STK3: variants seen among roughly 807,000 people sequenced by gnomAD.
STK3 encodes the protein serine/threonine kinase 3.
STK3 carries 41 observed loss-of-function variants against 58.0 expected under a neutral mutation model. The ratio of observed to expected loss-of-function variants is 0.71; its 90% CI spans 0.55 to 0.92. The LOEUF (loss-of-function observed/expected upper bound fraction) is 0.92, where lower values mean the gene tolerates loss of function less well. Among genes scored for constraint, STK3 ranks in the 40% least tolerant of loss-of-function variants. The probability of loss-of-function intolerance (pLI) is 0.00; values close to 1 mark genes in which losing one functional copy is unlikely to be tolerated. For missense variants in STK3, 479 were observed against 602.7 expected, an observed-to-expected ratio of 0.79 and a Z score of 2.15; for synonymous variants, 170 against 191.0, an observed-to-expected ratio of 0.89 and a Z score of 0.91.
At chr8:98,657,147 T>C (rs1340196297) in intron 6 of STK3, among the ~76,000 whole-genome samples, 1 of 151,992 alleles carries the variant, frequency 6.6e-6, no homozygotes, top group Non-Finnish European at 1.5e-5. Flanking sequence ...TCTTCTATAA[T>C]ATATACATAA....
rs545256585 is a variant in STK3, at chr8:98,818,623, T to C, written c.26+6892A>G. 1.3e-4 allele frequency among the ~76,000 whole-genome samples: 20 copies of C among 151,906 alleles called. No individual in the cohort carries two copies. In the South Asian group the frequency reaches 2.3e-3, roughly 17 times the overall value. The stretch of plus-strand genomic sequence containing the variant: ...AAATTTACTCAATTCACCTCTATAC[T>C]AAGATGTCTGGTATTATATAAATCT... On this transcript the variant is annotated intron_variant, in intron 1 of 10. Transcript: ENST00000419617.
the STK3 span, among the ~76,000 whole-genome samples, chr8:98,359,610 C>A: frequency 6.6e-6 from 1 of 152,048 alleles, no homozygotes; most frequent in African/African-American, 2.4e-5. Context: ...CTGTGATCTC[C>A]CTCACTGCAA....
intron 3 of STK3, among the ~76,000 whole-genome samples, chr8:98,832,575 C>G (rs369436234): frequency 5.3e-5 from 8 of 152,050 alleles, no homozygotes; most frequent in Non-Finnish European, 1.0e-4. Context: ...TCCTGTTTAA[C>G]TCAGGAAAGA....
intron 1 of STK3, chr8:98,905,257 A>G: frequency 1.2e-6 from 1 of 839,926 alleles, no homozygotes; most frequent in Admixed American, 1.7e-5. Context: ...CTTGCCTTGA[A>G]ACTCTGTGTT....
chr8:98,460,843 C>T (rs1189646808), intron 10 of STK3, among the ~76,000 whole-genome samples: 1 of 152,186 alleles, frequency 6.6e-6, no homozygotes, highest in Non-Finnish European at 1.5e-5. Flanking sequence ...CCTGAGGCCT[C>T]CCCAGGCACG....
chr8:98,584,917 A>T (rs1433817353), intron 7 of STK3, among the ~76,000 whole-genome samples: 2 of 151,520 alleles, frequency 1.3e-5, no homozygotes, highest in African/African-American at 4.8e-5. Context: ...GTGTCTGTTC[A>T]TGTCCTTCGC....
intron 3 of STK3, among the ~76,000 whole-genome samples, chr8:98,864,157 C>T (rs1837042367): frequency 7.0e-6 from 1 of 142,518 alleles, no homozygotes; most frequent in Non-Finnish European, 1.5e-5. Context: ...TAGATTGCAC[C>T]ACTGCACTCC....
intron 8 of STK3, among the ~76,000 whole-genome samples, chr8:98,577,725 A>T (rs1430958577): frequency 6.6e-6 from 1 of 152,138 alleles, no homozygotes; most frequent in Non-Finnish European, 1.5e-5. Context: ...AAACCCTGAG[A>T]ATGAATCACG....
intron 10 of STK3, among the ~76,000 whole-genome samples, chr8:98,460,275 A>T (rs1399750388): frequency 2.0e-5 from 3 of 152,186 alleles, no homozygotes; most frequent in African/African-American, 7.2e-5. Flanking sequence ...TCAGATTTGC[A>T]TGGGGCCTTT....
intron 3 of STK3, among the ~76,000 whole-genome samples, chr8:98,423,865 G>T (rs1443955847): frequency 6.6e-6 from 1 of 152,182 alleles, no homozygotes; most frequent in Admixed American, 6.5e-5. Flanking sequence ...AGTCGGCCAG[G>T]TGCAAGGATC....
chr8:98,544,235 G>T (rs1036384851), intron 9 of STK3, among the ~76,000 whole-genome samples: 2 of 152,164 alleles, frequency 1.3e-5, no homozygotes. Flanking sequence ...TTCCCAAAAT[G>T]TGTTTCTCAG....
intron 3 of STK3, among the ~76,000 whole-genome samples, chr8:98,420,329 C>A (rs1402354446): frequency 6.6e-6 from 1 of 152,128 alleles, no homozygotes; most frequent in Non-Finnish European, 1.5e-5. Context: ...GTCCAAGTCA[C>A]CCTTTTTGTA....
chr8:98,807,152 CAAAAA>C (rs1039866302), intron 1 of STK3, among the ~76,000 whole-genome samples: 2 of 55,232 alleles, frequency 3.6e-5, no homozygotes, highest in Non-Finnish European at 7.9e-5. Context: ...GACTCCGTCT[CAAAAA>C]AAAAAAAAAA....
intron 3 of STK3, among the ~76,000 whole-genome samples, chr8:98,841,838 CA>C (rs1836001086): frequency 6.6e-6 from 1 of 151,946 alleles, no homozygotes; most frequent in South Asian, 2.1e-4. Flanking sequence ...AGGACTTCAA[CA>C]ATCAGGAAAG....
intron 6 of STK3, among the ~76,000 whole-genome samples, chr8:98,675,254 A>AACT (rs1284646411): frequency 6.6e-6 from 1 of 152,228 alleles, no homozygotes; most frequent in Admixed American, 6.5e-5. Context: ...AGAACTCTCC[A>AACT]ACTACAAGAA....
intron 10 of STK3, among the ~76,000 whole-genome samples, chr8:98,515,616 A>G (rs1240844367): frequency 6.6e-6 from 1 of 152,102 alleles, no homozygotes; most frequent in Non-Finnish European, 1.5e-5. Context: ...GCTTAGTGAT[A>G]GTATCATTGT....
chr8:98,437,096 G>C (rs1481899514), intron 2 of STK3: 1 of 152,200 alleles, frequency 6.6e-6, no homozygotes, highest in Non-Finnish European at 1.5e-5. Context: ...CAGTGTCTTA[G>C]ACTTACTAGT....
intron 8 of STK3, among the ~76,000 whole-genome samples, chr8:98,549,468 C>T (rs1325281427): frequency 2.0e-5 from 3 of 152,116 alleles, no homozygotes; most frequent in African/African-American, 7.2e-5. Flanking sequence ...GTTGTTATTA[C>T]AAATTCTGGA....
At chr8:98,927,633 A>G (rs1426424306) in intron 1 of STK3, among the ~76,000 whole-genome samples, 1 of 152,250 alleles carries the variant, frequency 6.6e-6, no homozygotes, top group African/African-American at 2.4e-5. Context: ...GCAAAGATAG[A>G]GTAACTTGTC....
Sources: allele counts gnomAD v4.1 joint callset (sites outside exome capture counted in the v4.1 genomes callset), GRCh38; gene constraint gnomAD v4.1.1; transcripts MANE v1.5; gene names NCBI Gene and HGNC (gene_info 2026-07-23, HGNC 2026-07-21).